Variants in RPS6KC1 observed in about 807,000 individuals in gnomAD.
RPS6KC1 encodes the protein ribosomal protein S6 kinase C1, also known as inactive ribosomal protein S6 kinase delta-1.
A neutral mutation model predicts 103.8 loss-of-function variants in RPS6KC1; 54 were observed. That is an observed-to-expected ratio of 0.52 (90% CI 0.42 to 0.65). RPS6KC1 has a LOEUF of 0.65. Ranked by LOEUF, RPS6KC1 falls within the 30% of genes least tolerant of loss-of-function variation. The pLI, the probability that RPS6KC1 is intolerant of heterozygous loss-of-function variation, is 0.00. For missense variants in RPS6KC1, 1,151 were observed against 1,253.8 expected (o/e 0.92, Z 1.24); for synonymous variants, 439 against 438.7 (o/e 1.00, Z -0.01).
At chr1:213,206,719 A>T (rs1337025158) in intron 8 of RPS6KC1, among the ~76,000 whole-genome samples, 1 of 152,136 alleles carries the variant, frequency 6.6e-6, no homozygotes, top group Non-Finnish European at 1.5e-5. Flanking sequence ...TATTGTTTGT[A>T]TGTTAATTTC....
chr1:213,706,745 G>A, the RPS6KC1 span, among the ~76,000 whole-genome samples: 2 of 151,774 alleles, frequency 1.3e-5, no homozygotes, highest in African/African-American at 4.8e-5. Context: ...TTCCTTCCCT[G>A]TGCCCATATG....
chr1:213,740,190 A>G, the RPS6KC1 span, among the ~76,000 whole-genome samples: 17 of 152,152 alleles, frequency 1.1e-4, no homozygotes, highest in African/African-American at 4.1e-4. Context: ...CTGAGAAGGA[A>G]ACAGAAATCC....
the RPS6KC1 span, among the ~76,000 whole-genome samples, chr1:213,514,951 G>A: frequency 6.6e-6 from 1 of 152,126 alleles, no homozygotes; most frequent in Admixed American, 6.5e-5. Context: ...TCTCACTGTG[G>A]TTTTGATTTG....
chr1:213,109,400 G>A (rs1214203171), intron 4 of RPS6KC1, among the ~76,000 whole-genome samples: 1 of 152,152 alleles, frequency 6.6e-6, no homozygotes, highest in African/African-American at 2.4e-5. Context: ...GCCTCCCAAA[G>A]TGCTGGGATT....
chr1:213,412,767 C>T, the RPS6KC1 span, among the ~76,000 whole-genome samples: 1 of 152,246 alleles, frequency 6.6e-6, no homozygotes, highest in Non-Finnish European at 1.5e-5. Flanking sequence ...CTCCTGCCTC[C>T]TGCTCTGCAA....
At chr1:213,155,735 C>T (rs1440313006) in intron 6 of RPS6KC1, among the ~76,000 whole-genome samples, 1 of 152,060 alleles carries the variant, frequency 6.6e-6, no homozygotes, top group African/African-American at 2.4e-5. Context: ...GAGTACTCAC[C>T]TGATTTTTGG....
At chr1:213,735,664 T>C in the RPS6KC1 span, among the ~76,000 whole-genome samples, 1 of 151,504 alleles carries the variant, frequency 6.6e-6, no homozygotes, top group African/African-American at 2.4e-5. Context: ...ACAAGAGAAA[T>C]GAGTACAAAT....
chr1:213,078,611 A>G (rs2079569156), intron 3 of RPS6KC1, among the ~76,000 whole-genome samples: 1 of 152,172 alleles, frequency 6.6e-6, no homozygotes, highest in Admixed American at 6.5e-5. Context: ...CATGTTGGCC[A>G]GGCTGGTCTC....
chr1:213,718,966 G>A, the RPS6KC1 span, among the ~76,000 whole-genome samples: 6 of 152,302 alleles, frequency 3.9e-5, no homozygotes, highest in African/African-American at 9.6e-5. Flanking sequence ...AAGCAGCCCC[G>A]CCTTCAAAGA....
At chr1:213,058,857 C>G (rs1396306533) in intron 1 of RPS6KC1, among the ~76,000 whole-genome samples, 1 of 152,142 alleles carries the variant, frequency 6.6e-6, no homozygotes, top group African/African-American at 2.4e-5. Flanking sequence ...AAATGGACAT[C>G]TTTTCTATGT....
the RPS6KC1 span, among the ~76,000 whole-genome samples, chr1:213,688,679 CCT>C: frequency 4.6e-5 from 7 of 152,308 alleles, no homozygotes; most frequent in South Asian, 1.5e-3. Context: ...TCTTGCTTTC[CCT>C]CTGTCTTGTT....
chr1:213,841,672 A>G, the RPS6KC1 span, among the ~76,000 whole-genome samples: 1 of 152,200 alleles, frequency 6.6e-6, no homozygotes, highest in African/African-American at 2.4e-5. Context: ...CACAAGGGCA[A>G]GATTCCATTT....
chr1:213,466,393 G>T, the RPS6KC1 span, among the ~76,000 whole-genome samples: 1 of 152,122 alleles, frequency 6.6e-6, no homozygotes, highest in Non-Finnish European at 1.5e-5. Flanking sequence ...AAACATGCTC[G>T]AATGAATAAA....
At chr1:213,330,000 G>A in the RPS6KC1 span, among the ~76,000 whole-genome samples, 4 of 152,212 alleles carry the variant, frequency 2.6e-5, no homozygotes, top group South Asian at 4.1e-4. Context: ...AAAAGCTCCC[G>A]CCACAGACCT....
the RPS6KC1 span, among the ~76,000 whole-genome samples, chr1:213,516,039 A>G: frequency 6.6e-6 from 1 of 152,054 alleles, no homozygotes; most frequent in Non-Finnish European, 1.5e-5. Context: ...TTTGTCTGTT[A>G]TTGGTGTATA....
the RPS6KC1 span, among the ~76,000 whole-genome samples, chr1:213,394,786 G>A: frequency 0.036 from 5,452 of 152,260 alleles, 295 homozygotes; most frequent in African/African-American, 0.12. Context: ...CCACGCACTC[G>A]CAAGTCTAGG....
At chr1:213,799,820 A>C in the RPS6KC1 span, among the ~76,000 whole-genome samples, 1 of 152,244 alleles carries the variant, frequency 6.6e-6, no homozygotes, top group Non-Finnish European at 1.5e-5. Flanking sequence ...TCTAGTAGGC[A>C]GGTATCTTAG....
At chr1:213,405,394 G>A in the RPS6KC1 span, among the ~76,000 whole-genome samples, 2 of 152,224 alleles carry the variant, frequency 1.3e-5, no homozygotes. Context: ...CTTGCTTATT[G>A]TCCATGGCAG....
chr1:213,303,213 TCCAA>T, the RPS6KC1 span, among the ~76,000 whole-genome samples: 1 of 152,192 alleles, frequency 6.6e-6, no homozygotes, highest in Non-Finnish European at 1.5e-5. Context: ...GAAAGGGATC[TCCAA>T]GTCAGTTTCA....
Sources: allele counts gnomAD v4.1 joint callset (sites outside exome capture counted in the v4.1 genomes callset), GRCh38; gene constraint gnomAD v4.1.1; transcripts MANE v1.5; gene names NCBI Gene and HGNC (gene_info 2026-07-23, HGNC 2026-07-21).